The following RTN3 variants were observed in gnomAD, a reference collection of about 807,000 sequenced individuals.
The protein encoded by RTN3 is reticulon-3.
In RTN3, 49 loss-of-function variants were observed where a neutral mutation model predicts 77.8. The observed-to-expected ratio is 0.63, with a 90% CI of 0.50 to 0.80. The LOEUF (loss-of-function observed/expected upper bound fraction) is 0.80. Among genes scored for constraint, RTN3 ranks in the 30% least tolerant of loss-of-function variants. The pLI, the probability that RTN3 is intolerant of heterozygous loss-of-function variation, is 0.00. For synonymous variants in RTN3, 464 were observed against 446.9 expected (o/e 1.04, Z -0.48); for missense variants, 1,236 against 1,211.9 (o/e 1.02, Z -0.29).
At chr11:63,690,666 C>T (rs1013850618) in intron 1 of RTN3, among the ~76,000 whole-genome samples, 1 of 152,158 alleles carries the variant, frequency 6.6e-6, no homozygotes, top group African/African-American at 2.4e-5. Flanking sequence ...TCTGGCTCCA[C>T]GGTTCTTAAG....
At chr11:63,726,249 G>C (rs973090577) in intron 3 of RTN3, among the ~76,000 whole-genome samples, 12 of 152,214 alleles carry the variant, frequency 7.9e-5, no homozygotes, top group South Asian at 4.1e-4. Flanking sequence ...GTCAGATTCT[G>C]AAAGAGAGTT....
At chr11:63,732,332 T>C (rs1720261283) in intron 3 of RTN3, among the ~76,000 whole-genome samples, 1 of 151,958 alleles carries the variant, frequency 6.6e-6, no homozygotes. Context: ...CGCACTATCA[T>C]ACTTTATTAA....
At position 63,693,235 on chromosome 11, in the gene RTN3, G is replaced by A. The variant is rs143458207; in HGVS notation, c.142+11457G>A. ...GCAGTGGCTCACGCCTGTAATCCCA[G>A]CACTTTGGGAGGCCGAGGCGAGCGG... On this transcript the variant is annotated intron_variant, in intron 1 of 8. Transcript: ENST00000377819. Among the ~76,000 whole-genome samples the A allele has an allele frequency of 3.6e-3, 554 of 152,336 alleles. 3 individuals carry two copies. The highest frequency in any genetic ancestry group is 0.013 in the African/African-American group (524 of 41,582).
chr11:63,722,516 A>G (rs2011894249), intron 3 of RTN3, among the ~76,000 whole-genome samples: 1 of 152,194 alleles, frequency 6.6e-6, no homozygotes, highest in Non-Finnish European at 1.5e-5. Flanking sequence ...AGCACCAAAT[A>G]CAGGGCCTGC....
intron 1 of RTN3, among the ~76,000 whole-genome samples, chr11:63,697,912 T>C (rs1295770641): frequency 6.6e-6 from 1 of 152,184 alleles, no homozygotes; most frequent in Non-Finnish European, 1.5e-5. Context: ...ATACTTGTCA[T>C]TTTCATTTCT....
intron 3 of RTN3, among the ~76,000 whole-genome samples, chr11:63,740,655 T>A (rs1436070573): frequency 6.6e-6 from 1 of 151,470 alleles, no homozygotes; most frequent in Admixed American, 6.6e-5. Flanking sequence ...GGTTTCAAAC[T>A]CTTGGAATTC....
intron 3 of RTN3, among the ~76,000 whole-genome samples, chr11:63,741,372 T>C (rs980910921): frequency 5.3e-5 from 8 of 151,628 alleles, no homozygotes; most frequent in African/African-American, 1.7e-4. Context: ...CTGGCTAATT[T>C]TGTATTTTTA....
chr11:63,756,030 A>T, intron 7 of RTN3, 82 bp from the exon 8 acceptor site: 1 of 951,422 alleles, frequency 1.1e-6, no homozygotes, highest in Non-Finnish European at 1.7e-6. Context: ...AAAAATGGTT[A>T]AACTAGACAA....
intron 1 of RTN3, among the ~76,000 whole-genome samples, chr11:63,700,257 G>C (rs1942167452): frequency 6.9e-6 from 1 of 143,966 alleles, no homozygotes; most frequent in East Asian, 2.1e-4. Flanking sequence ...TGGAAACATA[G>C]AGATAGGAAA....
At chr11:63,705,245 T>C (rs1032656078) in intron 2 of RTN3, among the ~76,000 whole-genome samples, 1 of 152,140 alleles carries the variant, frequency 6.6e-6, no homozygotes, top group African/African-American at 2.4e-5. Flanking sequence ...CTCAGCACTT[T>C]GGGAGGCAAA....
chr11:63,719,440 G>A lies in RTN3; in HGVS notation c.938G>A (p.Arg313Lys), dbSNP rs778346358. The change falls in exon 3 of 9, where the codon AGG becomes AAG. Residue 313 changes from arginine (R) to lysine (K), a missense_variant. Physicochemically the swap from Arg to Lys is conservative, Grantham distance 26. Around this residue, in one of 3 missense-constraint regions of RTN3, gnomAD observed 1,056 missense variants for 990.4 expected, o/e 1.07. Coordinates refer to ENST00000377819, the MANE Select transcript of RTN3 (RefSeq NM_001265589.2). ...GRYPMSALLSRQFSHTNAALE... is the reference protein window; with the variant it reads ...GRYPMSALLSKQFSHTNAALE... ...TACCCAATGTCTGCATTGCTCAGTA[G>A]GCAGTTTTCACACACAAATGCAGCA... 12 of 1,614,122 alleles carry A rather than the reference G, an allele frequency of 7.4e-6. No individual in the cohort carries two copies. Among genetic ancestry groups the A allele is most frequent in the Non-Finnish European group, 9.3e-6 (11 of 1,180,010 alleles).
chr11:63,751,316 C>T (rs2014094334), intron 4 of RTN3, among the ~76,000 whole-genome samples: 1 of 152,196 alleles, frequency 6.6e-6, no homozygotes, highest in African/African-American at 2.4e-5. Context: ...TTTGGTAATA[C>T]CAGAACTCAG....
chr11:63,749,312 A>C (rs1188591747), intron 3 of RTN3, among the ~76,000 whole-genome samples: 1 of 152,060 alleles, frequency 6.6e-6, no homozygotes, highest in Admixed American at 6.6e-5. Flanking sequence ...TGGCTTGGAT[A>C]ATTATATGGT....
chr11:63,697,469 C>CATTATTATG (rs1942022124), intron 1 of RTN3, among the ~76,000 whole-genome samples: 2 of 146,998 alleles, frequency 1.4e-5, no homozygotes, highest in Admixed American at 6.9e-5. Flanking sequence ...ACACCCAGCT[C>CATTATTATG]ATTATTATTA....
intron 3 of RTN3, among the ~76,000 whole-genome samples, chr11:63,733,892 AAAAG>A (rs1220653296): frequency 6.6e-6 from 1 of 151,934 alleles, no homozygotes; most frequent in African/African-American, 2.4e-5. Context: ...CCTTGCCTCA[AAAAG>A]AAAAAAAAAC....
chr11:63,735,028 TA>T lies in RTN3; in HGVS notation c.2530+14006del, dbSNP rs796701610. ...ATATATTAATAGCAAAATTTGACAA[TA>T]AAAAAAAAACTTTTTTTGAGACAGC... On this transcript the variant is annotated intron_variant, in intron 3 of 8. Transcript: ENST00000377819. 8.4e-3 allele frequency among the ~76,000 whole-genome samples: 1,243 copies of T among 148,018 alleles called. 17 individuals carry two copies. Among genetic ancestry groups the T allele is most frequent in the African/African-American group, 0.028 (1,136 of 40,510 alleles).
chr11:63,746,126 T>A (rs900210688), intron 3 of RTN3, among the ~76,000 whole-genome samples: 1 of 152,088 alleles, frequency 6.6e-6, no homozygotes, highest in African/African-American at 2.4e-5. Context: ...GTGTAGACAC[T>A]CTGATTTGCA....
At chr11:63,757,981 G>A (rs914599735) in intron 8 of RTN3, among the ~76,000 whole-genome samples, 175 bp from the exon 9 acceptor site, 1 of 151,928 alleles carries the variant, frequency 6.6e-6, no homozygotes, top group African/African-American at 2.4e-5. Context: ...TGCCTGCCTC[G>A]GACTCCCAAA....
Position 63,756,129 on chromosome 11 carries a change from T to C in RTN3, c.3012T>C (p.Tyr1004=). The change falls in exon 8 of 9, where the codon TAT becomes TAC. Residue 1004 remains tyrosine, a synonymous_variant. Coordinates refer to ENST00000377819, the MANE Select transcript of RTN3 (RefSeq NM_001265589.2). The part of the protein sequence containing the change: ...YEKYKTQIDH[Y]VGIARDQTKS... The stretch of plus-strand genomic sequence containing the variant: ...CCTTAAAGACCCAGATTGATCACTA[T>C]GTTGGCATCGCCCGAGATCAGACCA... 1 of 1,613,360 alleles carries C rather than the reference T, an allele frequency of 6.2e-7. No homozygotes were observed. The highest frequency in any genetic ancestry group is 8.5e-7 in the Non-Finnish European group (1 of 1,179,290).
Sources: gnomAD v4.1 joint callset for allele counts (sites outside exome capture counted in the v4.1 genomes callset) on GRCh38, gnomAD v4.1.1 for gene constraint, gnomAD v4.1.1 regional missense constraint, MANE v1.5 for transcripts, NCBI Gene and HGNC (gene_info 2026-07-23, HGNC 2026-07-21) for gene names.